The following PLCB1 variants were observed in gnomAD, a reference collection of about 807,000 sequenced individuals.
PLCB1 encodes 1-phosphatidylinositol 4,5-bisphosphate phosphodiesterase beta-1.
A neutral mutation model predicts 161.8 loss-of-function variants in PLCB1; 46 were observed. That is an observed-to-expected ratio of 0.28 (90% CI 0.22 to 0.36). The LOEUF (loss-of-function observed/expected upper bound fraction) is 0.36. PLCB1 is among the 10% of genes least tolerant of loss of function. The pLI is 1.00. For missense variants in PLCB1, 1,016 were observed against 1,472.5 expected (o/e 0.69, Z 5.07); for synonymous variants, 517 against 503.7 (o/e 1.03, Z -0.35).
chr20:8,468,153 C>T (rs566396031), intron 3 of PLCB1, among the ~76,000 whole-genome samples: 2 of 152,212 alleles, frequency 1.3e-5, no homozygotes, highest in South Asian at 2.1e-4. Context: ...GAGTTTTCCC[C>T]TGGGACTGGG....
At chr20:8,330,859 A>G (rs1161547665) in intron 2 of PLCB1, among the ~76,000 whole-genome samples, 1 of 152,238 alleles carries the variant, frequency 6.6e-6, no homozygotes, top group Admixed American at 6.5e-5. Flanking sequence ...GTAAAATACA[A>G]TGAACTATGA....
At chr20:8,847,180 C>G (rs1322993893) in intron 31 of PLCB1, among the ~76,000 whole-genome samples, 1 of 151,378 alleles carries the variant, frequency 6.6e-6, no homozygotes, top group Non-Finnish European at 1.5e-5. Context: ...TCTCACACAC[C>G]ATCCTCAGAC....
At chr20:8,321,080 C>T (rs537265768) in intron 2 of PLCB1, among the ~76,000 whole-genome samples, 1 of 152,206 alleles carries the variant, frequency 6.6e-6, no homozygotes, top group South Asian at 2.1e-4. Flanking sequence ...TTTCTGTCAT[C>T]CTCAATGTTC....
At chr20:8,170,487 T>C (rs1021398164) in intron 2 of PLCB1, among the ~76,000 whole-genome samples, 4 of 152,040 alleles carry the variant, frequency 2.6e-5, no homozygotes, top group Admixed American at 6.6e-5. Flanking sequence ...TCTAAATTTT[T>C]AGATTTGCAA....
chr20:8,694,379 A>G (rs1472098332), intron 10 of PLCB1, among the ~76,000 whole-genome samples: 11 of 152,114 alleles, frequency 7.2e-5, no homozygotes, highest in Non-Finnish European at 1.5e-4. Flanking sequence ...CCTTGGAGGG[A>G]TTCTGTTGGT....
intron 2 of PLCB1, among the ~76,000 whole-genome samples, chr20:8,230,113 G>T (rs1303030247): frequency 6.8e-6 from 1 of 146,820 alleles, no homozygotes; most frequent in Non-Finnish European, 1.5e-5. Flanking sequence ...AACAAAGTAG[G>T]CCTAAACCTC....
intron 2 of PLCB1, among the ~76,000 whole-genome samples, chr20:8,219,343 C>T (rs183694823): frequency 3.3e-5 from 5 of 152,172 alleles, no homozygotes; most frequent in Admixed American, 2.6e-4. Flanking sequence ...TTTTCTTATA[C>T]GTATTTGTTA....
chr20:8,530,508 T>C (rs1266147119), intron 3 of PLCB1, among the ~76,000 whole-genome samples: 1 of 152,148 alleles, frequency 6.6e-6, no homozygotes, highest in Admixed American at 6.6e-5. Context: ...CCTTGTAACT[T>C]TTTGATTATT....
intron 2 of PLCB1, among the ~76,000 whole-genome samples, chr20:8,344,791 T>C (rs1985939422): frequency 6.6e-6 from 1 of 152,182 alleles, no homozygotes; most frequent in Non-Finnish European, 1.5e-5. Flanking sequence ...AGGTTTTGCT[T>C]TTGTCTGGTT....
At chr20:8,401,815 A>T (rs979891690) in intron 3 of PLCB1, among the ~76,000 whole-genome samples, 6 of 152,212 alleles carry the variant, frequency 3.9e-5, no homozygotes, top group Non-Finnish European at 7.3e-5. Context: ...TGTCCAAGTC[A>T]CATGGCCCAG....
At chr20:8,636,364 A>G (rs577508902) in intron 4 of PLCB1, among the ~76,000 whole-genome samples, 7 of 152,254 alleles carry the variant, frequency 4.6e-5, no homozygotes, top group African/African-American at 1.4e-4. Flanking sequence ...ACATTGCACT[A>G]TTTGTCTTGG....
chr20:8,270,050 G>A (rs1438903162), intron 2 of PLCB1, among the ~76,000 whole-genome samples: 1 of 151,954 alleles, frequency 6.6e-6, no homozygotes, highest in Non-Finnish European at 1.5e-5. Context: ...GTTAGTCCAG[G>A]GTTAAATTGA....
At position 8,533,021 on chromosome 20, in the gene PLCB1, A is replaced by AC. The variant is rs1294183513; in HGVS notation, c.247-95269dup. Reference sequence around the variant, plus strand: ...AATGCTATCCCTCCCCCCTCCCCCTACCCCACAATAGTCCCCAGAGTGTGA... The same window carrying AC: ...AATGCTATCCCTCCCCCCTCCCCCTACCCCCACAATAGTCCCCAGAGTGTGA... On this transcript the variant is annotated intron_variant, in intron 3 of 31. Coordinates refer to ENST00000338037, the MANE Select transcript of PLCB1 (RefSeq NM_015192.4). Among the ~76,000 whole-genome samples, 5 of 73,786 alleles carry AC rather than the reference A, an allele frequency of 6.8e-5. No homozygotes were observed. The East Asian group carries it at 2.0e-3, about 30-fold the overall frequency. 48.4% of individuals were successfully genotyped at this position (73,786 alleles called of 152,430 possible).
intron 19 of PLCB1, among the ~76,000 whole-genome samples, chr20:8,734,122 C>T (rs1307841182): frequency 9.2e-5 from 9 of 97,894 alleles, no homozygotes; most frequent in Non-Finnish European, 1.3e-4. Context: ...AGCGAGAGAG[C>T]GAGACTCTGT....
chr20:8,720,083 G>A (rs1443157845), intron 14 of PLCB1, among the ~76,000 whole-genome samples: 2 of 152,050 alleles, frequency 1.3e-5, no homozygotes, highest in African/African-American at 4.8e-5. Context: ...TGTTCTCTTT[G>A]AAGTTTGGAA....
At chr20:8,788,032 C>T (rs1400314590) in intron 27 of PLCB1, among the ~76,000 whole-genome samples, 7 of 152,178 alleles carry the variant, frequency 4.6e-5, no homozygotes, top group African/African-American at 1.7e-4. Context: ...TTGAGCTTCA[C>T]AGCACCTCCA....
At chr20:8,275,783 G>T (rs898540881) in intron 2 of PLCB1, among the ~76,000 whole-genome samples, 8 of 152,168 alleles carry the variant, frequency 5.3e-5, no homozygotes, top group Admixed American at 3.9e-4. Context: ...TTGTCCCTGT[G>T]GGGGAGCTGT....
At chr20:8,324,013 G>A (rs1033907288) in intron 2 of PLCB1, among the ~76,000 whole-genome samples, 11 of 152,114 alleles carry the variant, frequency 7.2e-5, no homozygotes, top group African/African-American at 1.9e-4. Flanking sequence ...GAAGTATGAT[G>A]TTGATTTCTA....
At chr20:8,730,962 T>C (rs1980210004) in intron 18 of PLCB1, among the ~76,000 whole-genome samples, 1 of 151,886 alleles carries the variant, frequency 6.6e-6, no homozygotes, top group African/African-American at 2.4e-5. Context: ...GTACATTCCG[T>C]TGGAATTTTT....
Sources: allele counts gnomAD v4.1 joint callset (sites outside exome capture counted in the v4.1 genomes callset), GRCh38; gene constraint gnomAD v4.1.1; transcripts MANE v1.5; gene names NCBI Gene and HGNC (gene_info 2026-07-23, HGNC 2026-07-21).